The following AUTS2 variants were observed in gnomAD, a reference collection of about 807,000 sequenced individuals.
The protein encoded by AUTS2 is activator of transcription and developmental regulator AUTS2, also known as autism susceptibility gene 2 protein.
AUTS2 carries 17 observed loss-of-function variants against 112.4 expected under a neutral mutation model. That is an observed-to-expected ratio of 0.15 (90% CI 0.10 to 0.23). The LOEUF (loss-of-function observed/expected upper bound fraction) is 0.23, where lower values mean the gene tolerates loss of function less well. Among genes scored for constraint, AUTS2 ranks in the 10% least tolerant of loss-of-function variants. The probability of loss-of-function intolerance (pLI) is 1.00; values close to 1 mark genes in which losing one functional copy is unlikely to be tolerated. For missense variants in AUTS2, 1,510 were observed against 1,701.6 expected (o/e 0.89, Z 1.98); for synonymous variants, 751 against 702.7 (o/e 1.07, Z -1.09).
intron 4 of AUTS2, among the ~76,000 whole-genome samples, chr7:70,275,069 G>C (rs1787866833): frequency 6.6e-6 from 1 of 152,224 alleles, no homozygotes; most frequent in East Asian, 1.9e-4. Flanking sequence ...TTTTGTTTTT[G>C]AGTTGCATTT....
chr7:70,672,907 C>T (rs1034237406), intron 5 of AUTS2, among the ~76,000 whole-genome samples: 2 of 152,070 alleles, frequency 1.3e-5, no homozygotes, highest in African/African-American at 4.8e-5. Context: ...GGCCAGGACA[C>T]GTGATTTTAA....
chr7:70,320,767 T>C (rs1790216640), intron 4 of AUTS2, among the ~76,000 whole-genome samples: 1 of 152,198 alleles, frequency 6.6e-6, no homozygotes. Context: ...TCCCCTGGGA[T>C]GCTAGTTTTA....
intron 5 of AUTS2, among the ~76,000 whole-genome samples, chr7:70,669,674 A>G (rs2129543823): frequency 6.6e-6 from 1 of 152,378 alleles, no homozygotes; most frequent in South Asian, 2.1e-4. Context: ...AATAAAAGTC[A>G]CAATCAGAGT....
At chr7:69,758,078 C>T (rs186043487) in intron 1 of AUTS2, among the ~76,000 whole-genome samples, 31 of 152,260 alleles carry the variant, frequency 2.0e-4, no homozygotes, top group African/African-American at 7.5e-4. Flanking sequence ...ATGTGTTTTC[C>T]CCCCAGGGAC....
chr7:70,308,508 G>A (rs1037259893), intron 4 of AUTS2, among the ~76,000 whole-genome samples: 2 of 152,182 alleles, frequency 1.3e-5, no homozygotes, highest in African/African-American at 4.8e-5. Flanking sequence ...TAAAAGTGCG[G>A]CTGAAGTTAA....
chr7:69,770,249 T>G (rs1393149217), intron 1 of AUTS2, among the ~76,000 whole-genome samples: 1 of 152,264 alleles, frequency 6.6e-6, no homozygotes, highest in African/African-American at 2.4e-5. Flanking sequence ...TAGCAAAACA[T>G]CTTCTTGCAC....
At position 69,626,974 on chromosome 7, in the gene AUTS2, A is replaced by G. The variant is rs1171809237; in HGVS notation, c.309+27012A>G. 2.0e-5 allele frequency among the ~76,000 whole-genome samples: 3 copies of G among 152,404 alleles called. No individual in the cohort carries two copies. The East Asian group carries it at 5.8e-4, about 29-fold the overall frequency. ...TTTAGGAAGAAAACAAAAGCAAAACATTAACCCCCAAATGCAGGTTAATAT... is the reference window on the plus strand; with the variant it reads ...TTTAGGAAGAAAACAAAAGCAAAACGTTAACCCCCAAATGCAGGTTAATAT... On this transcript the variant is annotated intron_variant, in intron 1 of 18. Transcript: ENST00000342771.
intron 5 of AUTS2, among the ~76,000 whole-genome samples, chr7:70,686,527 G>T (rs1808481099): frequency 6.6e-6 from 1 of 151,992 alleles, no homozygotes; most frequent in Admixed American, 6.6e-5. Context: ...CCTGTTTAAA[G>T]GCCCTTTTTG....
At position 69,822,905 on chromosome 7, in the gene AUTS2, A is replaced by G. The variant is rs1450557029; in HGVS notation, c.310-76381A>G. ...TAAACCTGGAGCTTTTGAAGGTCCT[A>G]TTTATTACTTCAGCCCACTTACTGC... On this transcript the variant is annotated intron_variant, in intron 1 of 18. Coordinates refer to ENST00000342771, the MANE Select transcript of AUTS2 (RefSeq NM_015570.4). Among the ~76,000 whole-genome samples the G allele has an allele frequency of 2.0e-5, 3 of 152,170 alleles. No homozygotes were observed. In the East Asian group the frequency reaches 5.8e-4, roughly 29 times the overall value.
chr7:70,003,855 AATAT>A (rs1280930480), intron 2 of AUTS2, among the ~76,000 whole-genome samples: 37 of 87,684 alleles, frequency 4.2e-4, no homozygotes, highest in Admixed American at 1.4e-3. Flanking sequence ...GTTATATATG[AATAT>A]ATATATAATA....
At chr7:70,006,847 T>G (rs1458852504) in intron 2 of AUTS2, among the ~76,000 whole-genome samples, 1 of 152,146 alleles carries the variant, frequency 6.6e-6, no homozygotes, top group East Asian at 1.9e-4. Flanking sequence ...GATGCTTCGA[T>G]TTAGCTTCTG....
intron 4 of AUTS2, among the ~76,000 whole-genome samples, chr7:70,389,153 G>T (rs911357795): frequency 6.6e-6 from 1 of 152,110 alleles, no homozygotes; most frequent in Non-Finnish European, 1.5e-5. Flanking sequence ...TTTGATTTCT[G>T]TCTTTTTTTT....
At chr7:70,058,047 CAT>C (rs370489612) in intron 2 of AUTS2, among the ~76,000 whole-genome samples, 23 of 152,298 alleles carry the variant, frequency 1.5e-4, no homozygotes, top group East Asian at 9.6e-4. Context: ...TAAGTAAACA[CAT>C]GTTTCATTGG....
At chr7:70,010,213 A>C (rs1401089120) in intron 2 of AUTS2, among the ~76,000 whole-genome samples, 1 of 152,080 alleles carries the variant, frequency 6.6e-6, no homozygotes, top group African/African-American at 2.4e-5. Context: ...TAGTGTGGTC[A>C]CAGCTCACTG....
chr7:69,620,758 T>G (rs1354982819), intron 1 of AUTS2, among the ~76,000 whole-genome samples: 1 of 152,130 alleles, frequency 6.6e-6, no homozygotes, highest in African/African-American at 2.4e-5. Flanking sequence ...GGAAAATGAG[T>G]TTTTGTTAAT....
chr7:70,333,010 A>G (rs1345964718), intron 4 of AUTS2, among the ~76,000 whole-genome samples: 2 of 152,344 alleles, frequency 1.3e-5, no homozygotes, highest in Non-Finnish European at 2.9e-5. Context: ...AGAAACTATC[A>G]TTAGAGTGAA....
chr7:69,790,004 G>A (rs760565961), intron 1 of AUTS2, among the ~76,000 whole-genome samples: 4 of 151,850 alleles, frequency 2.6e-5, no homozygotes, highest in Non-Finnish European at 4.4e-5. Flanking sequence ...GAATTGGCTG[G>A]GCCCAGTGGA....
intron 2 of AUTS2, among the ~76,000 whole-genome samples, chr7:70,001,910 C>T (rs914781592): frequency 6.6e-6 from 1 of 151,966 alleles, no homozygotes; most frequent in Non-Finnish European, 1.5e-5. Flanking sequence ...GAGGTTTCAC[C>T]GTATTGGTCA....
chr7:70,664,901 G>A (rs768546893), intron 5 of AUTS2, among the ~76,000 whole-genome samples: 11 of 152,154 alleles, frequency 7.2e-5, no homozygotes, highest in South Asian at 2.1e-4. Context: ...CAAGATCCCC[G>A]TCTCTACCAA....
Sources: gnomAD v4.1 joint callset for allele counts (sites outside exome capture counted in the v4.1 genomes callset) on GRCh38, gnomAD v4.1.1 for gene constraint, MANE v1.5 for transcripts, NCBI Gene and HGNC (gene_info 2026-07-23, HGNC 2026-07-21) for gene names.